The following CCSER1 variants were observed in gnomAD, a reference collection of about 807,000 sequenced individuals.
CCSER1 encodes serine-rich coiled-coil domain-containing protein 1.
CCSER1 carries 41 observed loss-of-function variants against 82.0 expected under a neutral mutation model. The observed-to-expected ratio is 0.50, with a 90% CI of 0.39 to 0.65. CCSER1 has a LOEUF of 0.65. Among genes scored for constraint, CCSER1 ranks in the 30% least tolerant of loss-of-function variants. CCSER1 has a pLI of 0.00. For missense variants in CCSER1, 1,119 were observed against 1,064.2 expected, an observed-to-expected ratio of 1.05 and a Z score of -0.72; for synonymous variants, 414 against 383.9, an observed-to-expected ratio of 1.08 and a Z score of -0.92.
chr4:91,027,027 T>A (rs2150544654), intron 9 of CCSER1, among the ~76,000 whole-genome samples: 1 of 152,144 alleles, frequency 6.6e-6, no homozygotes, highest in Non-Finnish European at 1.5e-5. Context: ...TAAGAGCAGA[T>A]TATTTTCTCT....
chr4:91,313,511 G>A (rs1030674732), intron 10 of CCSER1, among the ~76,000 whole-genome samples: 5 of 151,876 alleles, frequency 3.3e-5, no homozygotes, highest in African/African-American at 1.2e-4. Context: ...CATTGACTAA[G>A]TCACATCTTT....
chr4:91,354,067 A>G (rs2149303394), intron 10 of CCSER1, among the ~76,000 whole-genome samples: 1 of 152,304 alleles, frequency 6.6e-6, no homozygotes, highest in African/African-American at 2.4e-5. Context: ...AGCATTTCTC[A>G]TTAGAGTTTC....
chr4:90,444,235 A>G (rs1157147234), intron 4 of CCSER1, among the ~76,000 whole-genome samples: 3 of 152,058 alleles, frequency 2.0e-5, no homozygotes, highest in African/African-American at 7.2e-5. Context: ...TCAATCCATA[A>G]CACGATATAG....
At chr4:91,469,426 C>T (rs1351475741) in intron 10 of CCSER1, among the ~76,000 whole-genome samples, 1 of 152,160 alleles carries the variant, frequency 6.6e-6, no homozygotes, top group Admixed American at 6.6e-5. Context: ...ATTTTTCGTT[C>T]AGCTTAGTTT....
At chr4:91,018,520 A>C (rs1313111966) in intron 9 of CCSER1, among the ~76,000 whole-genome samples, 1 of 152,070 alleles carries the variant, frequency 6.6e-6, no homozygotes, top group African/African-American at 2.4e-5. Flanking sequence ...TGGCCATATT[A>C]TTCCCTAGTT....
chr4:90,536,577 G>A (rs1775396005), intron 5 of CCSER1, among the ~76,000 whole-genome samples: 1 of 152,190 alleles, frequency 6.6e-6, no homozygotes, highest in Non-Finnish European at 1.5e-5. Context: ...TGTATTTGGA[G>A]TCAGTCTGTA....
At chr4:90,645,877 G>T (rs1176118704) in intron 6 of CCSER1, among the ~76,000 whole-genome samples, 1 of 152,154 alleles carries the variant, frequency 6.6e-6, no homozygotes, top group Non-Finnish European at 1.5e-5. Flanking sequence ...TGCTAGGGCT[G>T]TGTCAAATTT....
chr4:90,411,088 A>G (rs541539235), intron 4 of CCSER1, among the ~76,000 whole-genome samples: 2 of 152,190 alleles, frequency 1.3e-5, no homozygotes, highest in Non-Finnish European at 2.9e-5. Flanking sequence ...AAGTTGAATC[A>G]CTGAATAGAC....
At chr4:90,922,628 C>A (rs73834584) in intron 8 of CCSER1, among the ~76,000 whole-genome samples, 16,402 of 151,916 alleles carry the variant, frequency 0.11, 1,355 homozygotes, top group East Asian at 0.22. Context: ...ATTTACAGTA[C>A]ATATTTGAAG....
At chr4:91,150,021 C>T (rs572007046) in intron 10 of CCSER1, among the ~76,000 whole-genome samples, 331 of 152,180 alleles carry the variant, frequency 2.2e-3, no homozygotes, top group African/African-American at 7.7e-3. Flanking sequence ...TGGAGAAAGT[C>T]ATTGGTAGCT....
intron 8 of CCSER1, among the ~76,000 whole-genome samples, chr4:90,833,568 T>C (rs2149832620): frequency 6.6e-6 from 1 of 152,346 alleles, no homozygotes; most frequent in East Asian, 1.9e-4. Flanking sequence ...TACCTATAAA[T>C]ACATTTCGTT....
At chr4:91,094,522 G>A (rs1448733342) in intron 10 of CCSER1, among the ~76,000 whole-genome samples, 1 of 152,156 alleles carries the variant, frequency 6.6e-6, no homozygotes, top group Non-Finnish European at 1.5e-5. Flanking sequence ...CTGGCTTGGG[G>A]ACAGGTAGGA....
At chr4:90,579,465 C>A (rs986295803) in intron 5 of CCSER1, among the ~76,000 whole-genome samples, 1 of 152,174 alleles carries the variant, frequency 6.6e-6, no homozygotes, top group Non-Finnish European at 1.5e-5. Flanking sequence ...AGTTGGGATT[C>A]TTGATCTCAT....
chr4:91,363,187 C>T (rs1388420019), intron 10 of CCSER1, among the ~76,000 whole-genome samples: 1 of 151,754 alleles, frequency 6.6e-6, no homozygotes, highest in Non-Finnish European at 1.5e-5. Context: ...AAAATACTGT[C>T]ATCTGGACCC....
intron 10 of CCSER1, among the ~76,000 whole-genome samples, chr4:91,385,993 T>G (rs1214581006): frequency 2.0e-5 from 3 of 151,904 alleles, no homozygotes; most frequent in Non-Finnish European, 4.4e-5. Context: ...TATATGTATA[T>G]GTACACTCAC....
At chr4:91,073,560 A>G (rs1427920842) in intron 9 of CCSER1, among the ~76,000 whole-genome samples, 1 of 152,140 alleles carries the variant, frequency 6.6e-6, no homozygotes, top group Non-Finnish European at 1.5e-5. Context: ...ATGCAACAAA[A>G]TATTTTTATC....
intron 1 of CCSER1, among the ~76,000 whole-genome samples, chr4:90,277,992 A>G (rs767133689): frequency 6.6e-6 from 1 of 152,174 alleles, no homozygotes; most frequent in African/African-American, 2.4e-5. Flanking sequence ...AGCAAAATTC[A>G]AAAACCCCCA....
rs577471299 is a variant in CCSER1 at position 91,388,095 on chromosome 4, G to A, written c.2218-210477G>A. 3.3e-5 allele frequency among the ~76,000 whole-genome samples: 5 copies of A among 152,034 alleles called. No individual in the cohort carries two copies. In the East Asian group the frequency reaches 7.8e-4, roughly 24 times the overall value. On this transcript the variant is annotated intron_variant, in intron 10 of 10. Transcript: ENST00000509176. The stretch of plus-strand genomic sequence containing the variant: ...AATTGATAATGAAATGGCAAAAGCT[G>A]GTCTTGAATTCCTGACCTCAAGTGA...
At chr4:90,353,887 A>T (rs1216374800) in intron 3 of CCSER1, among the ~76,000 whole-genome samples, 1 of 152,168 alleles carries the variant, frequency 6.6e-6, no homozygotes, top group East Asian at 1.9e-4. Flanking sequence ...TCCTCAAAAC[A>T]TTAAAAATAG....
Sources: gnomAD v4.1 joint callset for allele counts (sites outside exome capture counted in the v4.1 genomes callset) on GRCh38, gnomAD v4.1.1 for gene constraint, MANE v1.5 for transcripts, NCBI Gene and HGNC (gene_info 2026-07-23, HGNC 2026-07-21) for gene names.